The following PLPP2 variants were observed in gnomAD, a reference collection of about 807,000 sequenced individuals.
PLPP2 encodes PAP2-gamma.
Under a neutral mutation model 35.2 loss-of-function variants are expected in PLPP2, and 29 were observed. That is an observed-to-expected ratio of 0.82 (90% CI 0.61 to 1.12). The LOEUF (loss-of-function observed/expected upper bound fraction) is 1.12. Among genes scored for constraint, PLPP2 ranks in the 50% most tolerant of loss-of-function variants. The probability of loss-of-function intolerance (pLI) is 0.00; values close to 1 mark genes in which losing one functional copy is unlikely to be tolerated. For synonymous variants in PLPP2, 162 were observed against 167.0 expected (o/e 0.97, Z 0.23); for missense variants, 353 against 375.2 (o/e 0.94, Z 0.49).
chr19:287,265 C>A lies in PLPP2; in HGVS notation c.482+209G>T. On this transcript the variant is annotated intron_variant, in intron 3 of 5. Transcript: ENST00000434325. This position sits in a 1 kb window ranked among gnomAD's most constrained non-coding sequence, Gnocchi z 4.3. ...GTAAATGTACTAAACAACAGAACCC[C>A]AAAATACTTAAAGCAAAAACTGACA... 1 of 615,184 alleles carries A rather than the reference C, an allele frequency of 1.6e-6. No individual in the cohort carries two copies. Among genetic ancestry groups the A allele is most frequent in the South Asian group, 2.3e-5 (1 of 44,162 alleles). The allele number at this position is 615,184 out of a possible 1,614,324, so 38.1% of individuals were successfully genotyped here. A position where few individuals can be genotyped will look rare whatever the true frequency, so the allele number is the denominator to read the frequency against.
chr19:281,796 T>C (rs1207439452), intron 5 of PLPP2, among the ~76,000 whole-genome samples: 1 of 124,258 alleles, frequency 8.0e-6, no homozygotes, highest in Admixed American at 8.7e-5. Flanking sequence ...CGGAAAGGAG[T>C]CCTGTGCACT....
intron 3 of PLPP2, chr19:286,907 G>A (rs4549008): frequency 0.021 from 3,258 of 152,684 alleles, 182 homozygotes; most frequent in Admixed American, 0.13. Context: ...CGAGGCTGCA[G>A]TGAGCTCAGA....
rs1970205773 is a variant in PLPP2 at position 282,748 on chromosome 19, T to C, written c.540+4A>G. On this transcript the variant is annotated splice_donor_region_variant and intron_variant, in intron 4 of 5. Coordinates refer to ENST00000434325, the MANE Select transcript of PLPP2 (RefSeq NM_003712.4). ...AAAAGCAAGCCCGGGAGAAACAGAC[T>C]CACCGCCAAGAACACCATGCAGTAC... The C allele has an allele frequency of 6.2e-7, 1 of 1,612,178 alleles. No homozygotes were observed. The highest frequency in any genetic ancestry group is 1.3e-5 in the African/African-American group (1 of 74,780).
At chr19:281,571 G>T in intron 5 of PLPP2, 34 bp from the exon 6 acceptor site, 2 of 1,438,366 alleles carry the variant, frequency 1.4e-6, no homozygotes, top group Non-Finnish European at 1.8e-6. Context: ...AATGGGCAGG[G>T]GGCTGTCCAG....
chr19:286,573 A>T (rs1372570174), intron 3 of PLPP2: 1 of 152,182 alleles, frequency 6.6e-6, no homozygotes, highest in Non-Finnish European at 1.5e-5. Flanking sequence ...ATTACATTGA[A>T]TATAAATAAA....
Position 287,024 on chromosome 19 carries a change from C to T in PLPP2, c.482+450G>A, listed in dbSNP as rs1014074222. On this transcript the variant is annotated intron_variant, in intron 3 of 5. Coordinates refer to ENST00000434325, the MANE Select transcript of PLPP2 (RefSeq NM_003712.4). The surrounding 1 kb of genome is among the most constrained non-coding windows in gnomAD (Gnocchi z 4.3). ...GCCCAATTTCATGCTAGGTATAAGA[C>T]ACTTACTTTACAGTCAGAGACATAA... is the stretch of plus-strand genomic sequence containing the variant. The T allele has an allele frequency of 6.0e-6, 1 of 167,844 alleles. No homozygotes were observed. The highest frequency in any genetic ancestry group is 1.3e-5 in the Non-Finnish European group (1 of 77,324). The allele number at this position is 167,844 out of a possible 1,614,324, so 10.4% of individuals were successfully genotyped here. A position where few individuals can be genotyped will look rare whatever the true frequency, so the allele number is the denominator to read the frequency against.
chr19:286,009 A>G (rs1192380547), intron 3 of PLPP2: 3 of 145,004 alleles, frequency 2.1e-5, no homozygotes, highest in African/African-American at 7.8e-5. Context: ...AAATACAAAA[A>G]TTAGCCGGGC....
rs768710369 is a variant in PLPP2, at chr19:287,533, C to A, written c.423G>T (p.Ser141=). The A allele has an allele frequency of 6.2e-7, 1 of 1,613,694 alleles. No homozygotes were observed. The highest frequency in any genetic ancestry group is 2.2e-5 in the East Asian group (1 of 44,874). ...ACACCTTCTCCAGCTGCACATAGACCGAGCAGTTGACCCGGCTCCAGTCGG... is the reference window on the plus strand; with the variant it reads ...ACACCTTCTCCAGCTGCACATAGACAGAGCAGTTGACCCGGCTCCAGTCGG... ...CDPDWSRVNC[S]VYVQLEKVCR... The change falls in exon 3 of 6, where the codon TCG becomes TCT. Residue 141 remains serine, a synonymous_variant. Coordinates refer to ENST00000434325, the MANE Select transcript of PLPP2 (RefSeq NM_003712.4). This position sits in a 1 kb window ranked among gnomAD's most constrained non-coding sequence, Gnocchi z 4.3.
rs1970387599 is a variant in PLPP2, at chr19:291,392, CCGCGGA to C, written c.-62_-57del. 6.5e-7 allele frequency: 1 copy of C among 1,542,234 alleles called. No individual in the cohort carries two copies. The highest frequency in any genetic ancestry group is 1.8e-5 in the Admixed American group (1 of 54,294). ...CGCGTCCCGTCGCGTCCCGGCCCGGCCGCGGAGTCACGTGGCGCGGAGCCCGCCCCG... is the reference window on the plus strand; with the variant it reads ...CGCGTCCCGTCGCGTCCCGGCCCGGCGTCACGTGGCGCGGAGCCCGCCCCG... On this transcript the variant is annotated 5_prime_UTR_variant, in exon 1 of 6. Transcript: ENST00000434325.
In PLPP2 at chr19:287,496, G is replaced by T. The variant is rs1229304709; in HGVS notation, c.460C>A (p.Pro154Thr). ...CACCTGGCCTCGGTGACATCAGCAG[G>T]GTTTCCCCTGCACACCTTCTCCAGC... ...VQLEKVCRGN[P>T]ADVTEARLSF... is the part of the protein sequence containing the mutation. Residue 154 changes from proline to threonine, a missense_variant, in exon 3 of 6, where the codon CCT becomes ACT. Transcript: ENST00000434325. This position sits in a 1 kb window ranked among gnomAD's most constrained non-coding sequence, Gnocchi z 4.3. The T allele has an allele frequency of 1.2e-6, 2 of 1,612,370 alleles. No individual in the cohort carries two copies. The highest frequency in any genetic ancestry group is 1.6e-4 in the Middle Eastern group (1 of 6,078).
chr19:281,690 G>A (rs538298024), intron 5 of PLPP2, among the ~76,000 whole-genome samples, 153 bp from the exon 6 acceptor site: 14 of 151,280 alleles, frequency 9.3e-5, no homozygotes, highest in East Asian at 1.9e-4. Context: ...GGAAGAGAGC[G>A]CTCTTAGTGG....
In PLPP2 at chr19:282,222, A is replaced by G; in HGVS notation, c.629T>C (p.Val210Ala). The G allele has an allele frequency of 6.2e-7, 1 of 1,613,844 alleles. No individual in the cohort carries two copies. The highest frequency in any genetic ancestry group is 2.2e-5 in the East Asian group (1 of 44,872). ...GTAATCAGACACGCGGGTGTAGCCC[A>G]CGTAGAGGGCAAAGGCCACCAGGAA... ...QFFLVAFALY[V>A]GYTRVSDYKH... Residue 210 changes from valine (V) to alanine (A), a missense_variant, in exon 5 of 6, where the codon GTG becomes GCG. By Grantham distance (64) the Val-to-Ala change is moderately conservative. Coordinates refer to ENST00000434325, the MANE Select transcript of PLPP2 (RefSeq NM_003712.4).
chr19:287,920 C>T lies in PLPP2; in HGVS notation c.204+100G>A. ...CTGTGTCCCCCGGCCCCACACAGAC[C>T]TCCAGGGCAGGGCTGTGCCACCCCC... is the stretch of plus-strand genomic sequence containing the variant. On this transcript the variant is annotated intron_variant, in intron 2 of 5. Coordinates refer to ENST00000434325, the MANE Select transcript of PLPP2 (RefSeq NM_003712.4). The surrounding 1 kb of genome is among the most constrained non-coding windows in gnomAD (Gnocchi z 4.3). 6.5e-7 allele frequency: 1 copy of T among 1,535,730 alleles called. No individual in the cohort carries two copies. The highest frequency in any genetic ancestry group is 8.8e-7 in the Non-Finnish European group (1 of 1,133,492).
At position 287,731 on chromosome 19, in the gene PLPP2, G is replaced by A. The variant is rs1970298538; in HGVS notation, c.225C>T (p.Tyr75=). ...TVILVSAGEA[Y]LVYTDRLYSR... ...AATAGAGCCGGTCTGTGTACACCAG[G>A]TAGGCTTCCCCGGCCGAGACCTGCA... The change falls in exon 3 of 6, where the codon TAC becomes TAT. Residue 75 remains tyrosine (Y), a synonymous_variant. Coordinates refer to ENST00000434325, the MANE Select transcript of PLPP2 (RefSeq NM_003712.4). The surrounding 1 kb of genome is among the most constrained non-coding windows in gnomAD (Gnocchi z 4.3). 6.2e-7 allele frequency: 1 copy of A among 1,613,604 alleles called. No homozygotes were observed. Among genetic ancestry groups the A allele is most frequent in the East Asian group, 2.2e-5 (1 of 44,882 alleles).
Position 281,547 on chromosome 19 carries a change from C to A in PLPP2, c.718-10G>T. The A allele has an allele frequency of 6.8e-7, 1 of 1,468,552 alleles. No individual in the cohort carries two copies. Among genetic ancestry groups the A allele is most frequent in the Non-Finnish European group, 9.1e-7 (1 of 1,103,784 alleles). The allele number at this position is 1,468,552 out of a possible 1,614,324, so 91.0% of individuals were successfully genotyped here. A position where few individuals can be genotyped will look rare whatever the true frequency, so the allele number is the denominator to read the frequency against. ...CTGAGATGTAGCAGACCTGGTAGAG[C>A]AGAGGGTGGTGAGAATGGGCAGGGG... is the stretch of plus-strand genomic sequence containing the variant. On this transcript the variant is annotated splice_polypyrimidine_tract_variant and intron_variant, in intron 5 of 5. Transcript: ENST00000434325.
At position 281,166 on chromosome 19, in the gene PLPP2, G is replaced by A. The variant is rs895612427; in HGVS notation, c.*222C>T. ...AAAAAGAAGGGGATATTTGGGGACC[G>A]ACGGGAACAGGTTCCCCTCCAAATG... On this transcript the variant is annotated 3_prime_UTR_variant, in exon 6 of 6. Coordinates refer to ENST00000434325, the MANE Select transcript of PLPP2 (RefSeq NM_003712.4). 8 of 400,408 alleles carry A rather than the reference G, an allele frequency of 2.0e-5. No homozygotes were observed. The highest frequency in any genetic ancestry group is 8.2e-5 in the African/African-American group (4 of 48,822). The allele number at this position is 400,408 out of a possible 1,614,324, so 24.8% of individuals were successfully genotyped here. A position where few individuals can be genotyped will look rare whatever the true frequency, so the allele number is the denominator to read the frequency against.
At chr19:282,936 A>T in intron 3 of PLPP2, 127 bp from the exon 4 acceptor site, 1 of 766,520 alleles carries the variant, frequency 1.3e-6, no homozygotes, top group South Asian at 1.6e-5. Flanking sequence ...AAATCCCAGT[A>T]GCAGAAACTG....
Position 287,813 on chromosome 19 carries a change from C to A in PLPP2, c.205-62G>T. The A allele has an allele frequency of 1.9e-6, 3 of 1,587,646 alleles. No homozygotes were observed. The highest frequency in any genetic ancestry group is 2.6e-6 in the Non-Finnish European group (3 of 1,165,284). ...GTCGGCCCAGGGGCCCTCACTCCTCCGCACGGGCCTCCCCAAGGCTGCTGG... is the reference window on the plus strand; with the variant it reads ...GTCGGCCCAGGGGCCCTCACTCCTCAGCACGGGCCTCCCCAAGGCTGCTGG... On this transcript the variant is annotated intron_variant, in intron 2 of 5. Transcript: ENST00000434325. The surrounding 1 kb of genome is among the most constrained non-coding windows in gnomAD (Gnocchi z 4.3).
At chr19:288,213 C>A in intron 1 of PLPP2, 42 bp from the exon 2 acceptor site, 1 of 1,536,362 alleles carries the variant, frequency 6.5e-7, no homozygotes, top group Non-Finnish European at 8.8e-7. Context: ...GGTTCTCTCA[C>A]CAGCTGGGCC....
Sources: gnomAD v4.1 joint callset for allele counts (sites outside exome capture counted in the v4.1 genomes callset) on GRCh38, gnomAD v4.1.1 for gene constraint, Gnocchi (gnomAD v3.1) non-coding constraint, MANE v1.5 for transcripts, NCBI Gene and HGNC (gene_info 2026-07-23, HGNC 2026-07-21) for gene names.